Variants in GIGYF2 observed in about 807,000 individuals in gnomAD.
GIGYF2 encodes the protein GRB10 interacting GYF protein 2.
A neutral mutation model predicts 208.1 loss-of-function variants in GIGYF2; 25 were observed. The ratio of observed to expected loss-of-function variants is 0.12; its 90% confidence interval spans 0.09 to 0.17. The LOEUF (loss-of-function observed/expected upper bound fraction) is 0.17, where lower values mean the gene tolerates loss of function less well. Ranked by LOEUF, GIGYF2 falls within the 10% of genes least tolerant of loss-of-function variation. The pLI is 1.00. For missense variants in GIGYF2, 1,302 were observed against 1,579.4 expected (o/e 0.82, Z 2.98); for synonymous variants, 534 against 543.8 (o/e 0.98, Z 0.25).
intron 2 of GIGYF2, among the ~76,000 whole-genome samples, chr2:232,709,106 A>T (rs1406788620): frequency 6.6e-6 from 1 of 152,196 alleles, no homozygotes; most frequent in Non-Finnish European, 1.5e-5. Context: ...TGGGTGACAG[A>T]GTGAGACTCC....
chr2:232,810,064 T>G (rs1700687512), intron 16 of GIGYF2, among the ~76,000 whole-genome samples: 1 of 152,238 alleles, frequency 6.6e-6, no homozygotes, highest in African/African-American at 2.4e-5. Context: ...CTCGGCTCAC[T>G]GCAACCTCTG....
chr2:232,720,581 A>ATTTTTTT (rs1331036864), intron 2 of GIGYF2, among the ~76,000 whole-genome samples: 1 of 117,848 alleles, frequency 8.5e-6, no homozygotes, highest in Admixed American at 8.4e-5. Flanking sequence ...ATATATATAT[A>ATTTTTTT]TATTTTTGTT....
chr2:232,841,958 A>G (rs1701828923), intron 23 of GIGYF2, among the ~76,000 whole-genome samples: 1 of 151,992 alleles, frequency 6.6e-6, no homozygotes, highest in Non-Finnish European at 1.5e-5. Context: ...CTGGGCTGGA[A>G]TGTAGCTAGG....
At chr2:232,811,077 A>G in intron 16 of GIGYF2, 167 bp from the exon 17 acceptor site, 1 of 586,562 alleles carries the variant, frequency 1.7e-6, no homozygotes, top group Non-Finnish European at 3.0e-6. Context: ...GAAGCATAGA[A>G]TTTTCTATGT....
At chr2:232,774,938 A>T (rs897596886) in intron 8 of GIGYF2, among the ~76,000 whole-genome samples, 12 of 152,162 alleles carry the variant, frequency 7.9e-5, no homozygotes, top group Non-Finnish European at 1.6e-4. Flanking sequence ...CTTCTTACCT[A>T]CAACTTTTGT....
rs1228249668 is a variant in GIGYF2 at position 232,791,073 on chromosome 2, G to C, written c.996G>C (p.Glu332Asp). 6.2e-7 allele frequency: 1 copy of C among 1,613,952 alleles called. No individual in the cohort carries two copies. The highest frequency in any genetic ancestry group is 1.7e-5 in the Admixed American group (1 of 60,014). The change falls in exon 11 of 29, where the codon GAG becomes GAC. Residue 332 changes from glutamate to aspartate, a missense_variant. Physicochemically the swap from Glu to Asp is conservative, Grantham distance 45. Transcript: ENST00000373563. The stretch of plus-strand genomic sequence containing the variant: ...ACTTCCGGCCTGTGGACGAAGGGGA[G>C]GAGTGCTCTGACTCTGAGGGTAGCC... ...EMDFRPVDEG[E>D]ECSDSEGSHN... is the part of the protein sequence containing the mutation.
intron 28 of GIGYF2, 42 bp downstream of exon 28, chr2:232,850,451 A>C (rs1359623952): frequency 6.4e-7 from 1 of 1,554,378 alleles, no homozygotes; most frequent in Admixed American, 1.7e-5. Flanking sequence ...GGAGGAGTGC[A>C]GGTGATACCA....
Position 232,856,780 on chromosome 2 carries a change from T to C in GIGYF2, c.3833-13T>C. The C allele has an allele frequency of 3.7e-6, 6 of 1,606,896 alleles. No homozygotes were observed. The highest frequency in any genetic ancestry group is 5.1e-6 in the Non-Finnish European group (6 of 1,173,386). ...CTGGGTGTGGTCACTCATAGCCAGTTTTTTTTCTGCAGGATTTTCAGTCAA... is the reference window on the plus strand; with the variant it reads ...CTGGGTGTGGTCACTCATAGCCAGTCTTTTTTCTGCAGGATTTTCAGTCAA... On this transcript the variant is annotated splice_polypyrimidine_tract_variant and intron_variant, in intron 28 of 28. Transcript: ENST00000373563.
chr2:232,740,795 A>C (rs924637917), intron 3 of GIGYF2, among the ~76,000 whole-genome samples: 4 of 152,234 alleles, frequency 2.6e-5, no homozygotes, highest in Admixed American at 2.6e-4. Flanking sequence ...TTATGTGAAA[A>C]AGGAGAGAAG....
chr2:232,836,329 T>C (rs12988299), intron 22 of GIGYF2, among the ~76,000 whole-genome samples: 1,218 of 26,702 alleles, frequency 0.046, 181 homozygotes, highest in South Asian at 0.13. Flanking sequence ...TATATATATA[T>C]ACATATATAT....
intron 18 of GIGYF2, among the ~76,000 whole-genome samples, chr2:232,814,564 AAC>A (rs1700847391): frequency 1.5e-5 from 1 of 65,184 alleles, no homozygotes; most frequent in Non-Finnish European, 3.1e-5. Flanking sequence ...CTCCACCTCA[AAC>A]CCCCCCCCCC....
At chr2:232,776,605 G>T in intron 8 of GIGYF2, 1 of 678,520 alleles carries the variant, frequency 1.5e-6, no homozygotes, top group Non-Finnish European at 2.7e-6. Flanking sequence ...AATGTTGTGG[G>T]GGCTGGTTTC....
At chr2:232,816,065 A>G (rs1489491828) in intron 19 of GIGYF2, among the ~76,000 whole-genome samples, 1 of 152,218 alleles carries the variant, frequency 6.6e-6, no homozygotes, top group African/African-American at 2.4e-5. Flanking sequence ...TACATTGTTT[A>G]TGAGACTCCT....
intron 2 of GIGYF2, chr2:232,734,456 A>G (rs1697644606): frequency 2.0e-5 from 3 of 151,994 alleles, no homozygotes; most frequent in Non-Finnish European, 2.9e-5. Context: ...CGATTCTCCC[A>G]TCTTGGCCTC....
chr2:232,858,393 A>G lies in GIGYF2; in HGVS notation c.*1533A>G, dbSNP rs999708204. 2.3e-6 allele frequency: 1 copy of G among 432,000 alleles called. No individual in the cohort carries two copies. Among genetic ancestry groups the G allele is most frequent in the Non-Finnish European group, 4.5e-6 (1 of 220,862 alleles). The allele number at this position is 432,000 out of a possible 1,614,324, so 26.8% of individuals were successfully genotyped here. ...GCCTCCCTCCCTTCTAAACATGTGT[A>G]ATAACTATACAGAGACTGCTACAAA... On this transcript the variant is annotated 3_prime_UTR_variant, in exon 29 of 29. Transcript: ENST00000373563.
At chr2:232,758,790 T>C (rs2106324091) in intron 6 of GIGYF2, among the ~76,000 whole-genome samples, 1 of 152,344 alleles carries the variant, frequency 6.6e-6, no homozygotes, top group East Asian at 1.9e-4. Context: ...AGGGCCTTCC[T>C]GAGCAAATGG....
intron 5 of GIGYF2, among the ~76,000 whole-genome samples, chr2:232,752,563 C>T (rs1233845989): frequency 6.6e-6 from 1 of 151,732 alleles, no homozygotes; most frequent in African/African-American, 2.4e-5. Flanking sequence ...TTTTTTGAGA[C>T]AGAGTCTCAC....
intron 8 of GIGYF2, among the ~76,000 whole-genome samples, chr2:232,777,026 T>G (rs1171925213): frequency 1.3e-5 from 2 of 152,154 alleles, no homozygotes; most frequent in Non-Finnish European, 2.9e-5. Flanking sequence ...TTTCTTCTCA[T>G]GTCTCATCAG....
chr2:232,756,175 T>C (rs1698528608), intron 5 of GIGYF2, 48 bp from the exon 6 acceptor site: 1 of 1,139,558 alleles, frequency 8.8e-7, no homozygotes, highest in Non-Finnish European at 1.3e-6. Context: ...TCCATTTTTT[T>C]CTTTCTTTTT....
Sources: allele counts gnomAD v4.1 joint callset (sites outside exome capture counted in the v4.1 genomes callset), GRCh38; gene constraint gnomAD v4.1.1; transcripts MANE v1.5; gene names NCBI Gene and HGNC (gene_info 2026-07-23, HGNC 2026-07-21).